PDE6C: variants seen among roughly 807,000 people sequenced by gnomAD.
PDE6C encodes the protein phosphodiesterase 6C.
In PDE6C, 75 loss-of-function variants were observed where a neutral mutation model predicts 113.1. That is an observed-to-expected ratio of 0.66 (90% confidence interval 0.55 to 0.80). PDE6C has a LOEUF of 0.80. PDE6C is among the 30% of genes least tolerant of loss of function. The pLI is 0.00. For synonymous variants in PDE6C, 375 were observed against 363.7 expected, an observed-to-expected ratio of 1.03 and a Z score of -0.35; for missense variants, 912 against 1,038.6, an observed-to-expected ratio of 0.88 and a Z score of 1.67.
In PDE6C at chr10:93,640,057, C is replaced by T. The variant is rs781045514; in HGVS notation, c.1483-13C>T. Reference sequence around the variant, plus strand: ...TGAATGTAATCTGAAACAACCCATCCTTATTTCAACAGAAAGAGGACTTGC... The same window carrying T: ...TGAATGTAATCTGAAACAACCCATCTTTATTTCAACAGAAAGAGGACTTGC... On this transcript the variant is annotated splice_polypyrimidine_tract_variant and intron_variant, in intron 11 of 21. Coordinates refer to ENST00000371447, the MANE Select transcript of PDE6C (RefSeq NM_006204.4). 8.7e-6 allele frequency: 14 copies of T among 1,613,808 alleles called. No individual in the cohort carries two copies. The highest frequency in any genetic ancestry group is 2.2e-5 in the East Asian group (1 of 44,880).
chr10:93,625,751 AG>A (rs2058470499), intron 5 of PDE6C, 102 bp downstream of exon 5: 1 of 769,178 alleles, frequency 1.3e-6, no homozygotes, highest in Non-Finnish European at 2.3e-6. Context: ...GACCTGGAGT[AG>A]TAGAAACAGC....
intron 15 of PDE6C, among the ~76,000 whole-genome samples, chr10:93,654,807 TTTC>T (rs1210022492): frequency 1.1e-3 from 94 of 83,482 alleles, no homozygotes; most frequent in African/African-American, 2.2e-3. Context: ...TCTTTCTTTC[TTTC>T]TTTTTTTTTT....
chr10:93,662,698 C>T, intron 20 of PDE6C, 55 bp downstream of exon 20: 1 of 901,686 alleles, frequency 1.1e-6, no homozygotes, highest in Non-Finnish European at 1.9e-6. Context: ...GAGAAATTTT[C>T]TTTCAAACTG....
Position 93,613,307 on chromosome 10 carries a change from A to G in PDE6C, c.480+102A>G, listed in dbSNP as rs2058401888. 3 of 1,502,048 alleles carry G rather than the reference A, an allele frequency of 2.0e-6. No homozygotes were observed. The Admixed American group carries it at 5.6e-5, about 28-fold the overall frequency. The allele number at this position is 1,502,048 out of a possible 1,614,324, so 93.0% of individuals were successfully genotyped here. On this transcript the variant is annotated intron_variant, in intron 1 of 21. Transcript: ENST00000371447. ...ATCCTTGTGGCATTAGTTTGGCAAT[A>G]ACCGGGGGAATGTGGGTGGCAGGGA...
chr10:93,644,216 G>A (rs517785), intron 14 of PDE6C, among the ~76,000 whole-genome samples: 32,596 of 152,068 alleles, frequency 0.21, 3,660 homozygotes, highest in Admixed American at 0.27. Context: ...TTATTTATGG[G>A]CGATGTCCAG....
rs1345281133 is a variant in PDE6C, at chr10:93,635,623, G to A, written c.1396G>A (p.Glu466Lys). The stretch of plus-strand genomic sequence containing the variant: ...GAACCAAACCAAAGCCACTCCTGAA[G>A]AAATTAAGTCCATTTTGGTAAGTGG... ...LMNQTKATPE[E>K]IKSILKFQEK... The change falls in exon 10 of 22, where the codon GAA becomes AAA. Residue 466 changes from glutamate (E) to lysine (K), a missense_variant. Glu to Lys is a moderately conservative substitution (Grantham distance 56, BLOSUM62 1). Coordinates refer to ENST00000371447, the MANE Select transcript of PDE6C (RefSeq NM_006204.4). 3.7e-6 allele frequency: 6 copies of A among 1,613,848 alleles called. No individual in the cohort carries two copies. The highest frequency in any genetic ancestry group is 5.1e-6 in the Non-Finnish European group (6 of 1,179,864).
chr10:93,620,406 T>C (rs1439566837), intron 1 of PDE6C, among the ~76,000 whole-genome samples: 2 of 152,140 alleles, frequency 1.3e-5, no homozygotes, highest in Admixed American at 6.6e-5. Flanking sequence ...CTAACCTAAA[T>C]AGGCCATAGC....
intron 4 of PDE6C, among the ~76,000 whole-genome samples, chr10:93,622,576 A>G (rs147648926): frequency 1.3e-5 from 2 of 150,974 alleles, no homozygotes; most frequent in African/African-American, 4.9e-5. Flanking sequence ...CAGTGCCTCA[A>G]AGCCCTCTGT....
chr10:93,636,302 A>C (rs1288551910), intron 10 of PDE6C, among the ~76,000 whole-genome samples: 1 of 151,942 alleles, frequency 6.6e-6, no homozygotes, highest in Non-Finnish European at 1.5e-5. Context: ...ACCATGTTCT[A>C]ATCACCACAA....
chr10:93,633,140 G>C (rs1337168082), intron 8 of PDE6C, among the ~76,000 whole-genome samples: 3 of 152,056 alleles, frequency 2.0e-5, no homozygotes, highest in African/African-American at 7.2e-5. Context: ...AAACTTCAGA[G>C]GGCATCAGAA....
chr10:93,614,995 A>G lies in PDE6C; in HGVS notation c.480+1790A>G, dbSNP rs542311164. Among the ~76,000 whole-genome samples, 11 of 152,354 alleles carry G rather than the reference A, an allele frequency of 7.2e-5. No homozygotes were observed. The South Asian group carries it at 2.3e-3, about 32-fold the overall frequency. On this transcript the variant is annotated intron_variant, in intron 1 of 21. Transcript: ENST00000371447. ...GTGGGGATTCCAACTCTGGCTGTACATTAAAACCATATTAAGCTGTGTGCA... is the reference window on the plus strand; with the variant it reads ...GTGGGGATTCCAACTCTGGCTGTACGTTAAAACCATATTAAGCTGTGTGCA...
At position 93,663,161 on chromosome 10, in the gene PDE6C, A is replaced by G. The variant is rs148661165; in HGVS notation, c.2501A>G (p.Glu834Gly). ...ATTGAAGAGGAGGCAAAAAAGCAAGAAGGAGGAGCCGAAAAAGGTTAGATG... is the reference window on the plus strand; with the variant it reads ...ATTGAAGAGGAGGCAAAAAAGCAAGGAGGAGGAGCCGAAAAAGGTTAGATG... ...KVIEEEAKKQ[E>G]GGAEKAAEDS... Residue 834 changes from glutamate (E) to glycine (G), a missense_variant, in exon 21 of 22, where the codon GAA (glutamate) becomes GGA (glycine). Glu to Gly is a moderately conservative substitution (Grantham distance 98). Transcript: ENST00000371447. 2.4e-3 allele frequency: 3,940 copies of G among 1,613,582 alleles called. 14 individuals are homozygous for G. Among genetic ancestry groups the G allele is most frequent in the Non-Finnish European group, 2.4e-3 (2,876 of 1,179,738 alleles).
In PDE6C at chr10:93,620,699, CG is replaced by C. The variant is rs962420824; in HGVS notation, c.549del (p.Ile184SerfsTer10). On this transcript the variant is annotated frameshift_variant, in exon 2 of 22. Coordinates refer to ENST00000371447, the MANE Select transcript of PDE6C (RefSeq NM_006204.4). LOFTEE classifies it high-confidence loss of function. ...GTCACTAAGAACCTGCTGGCAACCC[CG>C]ATCGTGGTGGGCAAGGAGGTTCTTG... ...GYVTKNLLATPIVVGKEVLAV... is the reference protein window; with the variant it reads ...GYVTKNLLATXIVVGKEVLAV... 2 of 1,613,988 alleles carry C rather than the reference CG, an allele frequency of 1.2e-6. No homozygotes were observed. The highest frequency in any genetic ancestry group is 1.3e-5 in the African/African-American group (1 of 74,902).
intron 15 of PDE6C, among the ~76,000 whole-genome samples, chr10:93,652,008 T>C (rs1394637086): frequency 6.6e-6 from 1 of 151,884 alleles, no homozygotes; most frequent in Non-Finnish European, 1.5e-5. Flanking sequence ...TGTGTGCAAG[T>C]GTGTGTGTGC....
chr10:93,641,099 G>A (rs1023530608), intron 14 of PDE6C, 70 bp downstream of exon 14: 27 of 927,228 alleles, frequency 2.9e-5, no homozygotes, highest in South Asian at 1.2e-4. Context: ...TGAGAAAAAC[G>A]CTTCTCCCTA....
chr10:93,663,208 A>G (rs955566654), intron 21 of PDE6C, 30 bp downstream of exon 21: 17 of 1,607,954 alleles, frequency 1.1e-5, no homozygotes, highest in South Asian at 4.4e-5. Context: ...TGCTCCCTGT[A>G]ATGTAGCCAG....
intron 15 of PDE6C, among the ~76,000 whole-genome samples, chr10:93,651,827 A>C (rs911634028): frequency 6.6e-6 from 1 of 152,186 alleles, no homozygotes; most frequent in African/African-American, 2.4e-5. Flanking sequence ...AATGTACATC[A>C]GCATAACTTC....
chr10:93,652,865 G>A (rs966252435), intron 15 of PDE6C, among the ~76,000 whole-genome samples: 6 of 152,170 alleles, frequency 3.9e-5, no homozygotes, highest in African/African-American at 1.4e-4. Context: ...TAGAGACGAG[G>A]AAGTCTCTGT....
chr10:93,643,015 C>T (rs1564801866), intron 14 of PDE6C, among the ~76,000 whole-genome samples: 1 of 152,174 alleles, frequency 6.6e-6, no homozygotes, highest in Non-Finnish European at 1.5e-5. Flanking sequence ...GTATACTAGC[C>T]AATTCAGTTC....
Sources: allele counts gnomAD v4.1 joint callset (sites outside exome capture counted in the v4.1 genomes callset), GRCh38; gene constraint gnomAD v4.1.1; transcripts MANE v1.5; gene names NCBI Gene and HGNC (gene_info 2026-07-23, HGNC 2026-07-21).